Variants in RB1 observed in about 807,000 individuals in gnomAD.
RB1 encodes retinoblastoma-associated protein.
A neutral mutation model predicts 135.4 loss-of-function variants in RB1; 18 were observed. The ratio of observed to expected loss-of-function variants is 0.13; its 90% confidence interval spans 0.09 to 0.20. RB1 has a LOEUF of 0.20. RB1 is among the 10% of genes least tolerant of loss of function. RB1 has a pLI of 1.00. For synonymous variants in RB1, 365 were observed against 373.2 expected, an observed-to-expected ratio of 0.98 and a Z score of 0.25; for missense variants, 868 against 1,110.0, an observed-to-expected ratio of 0.78 and a Z score of 3.10.
At chr13:48,327,600 T>C (rs1952298987) in intron 2 of RB1, among the ~76,000 whole-genome samples, 1 of 152,212 alleles carries the variant, frequency 6.6e-6, no homozygotes, top group Non-Finnish European at 1.5e-5. Flanking sequence ...TTTAATTTTA[T>C]CTAAATGTAC....
At chr13:48,329,569 A>G (rs1367441977) in intron 2 of RB1, among the ~76,000 whole-genome samples, 1 of 152,178 alleles carries the variant, frequency 6.6e-6, no homozygotes, top group Non-Finnish European at 1.5e-5. Flanking sequence ...TTATCATTAT[A>G]TGACTTGGAA....
chr13:48,326,784 G>A (rs567110033), intron 2 of RB1, among the ~76,000 whole-genome samples: 13 of 151,976 alleles, frequency 8.6e-5, no homozygotes, highest in African/African-American at 3.1e-4. Context: ...ATTGTAGTAG[G>A]AGTTTTCAAG....
intron 2 of RB1, among the ~76,000 whole-genome samples, chr13:48,342,254 T>G (rs1173524088): frequency 1.3e-5 from 2 of 152,000 alleles, no homozygotes; most frequent in African/African-American, 4.8e-5. Flanking sequence ...TTATATGTTA[T>G]GGACTCTAGA....
intron 2 of RB1, among the ~76,000 whole-genome samples, chr13:48,329,402 C>A (rs912964989): frequency 6.6e-6 from 1 of 152,174 alleles, no homozygotes; most frequent in Admixed American, 6.5e-5. Flanking sequence ...TCAAGATATA[C>A]AAAGCTGCCA....
chr13:48,397,109 C>G (rs1242978658), intron 17 of RB1, among the ~76,000 whole-genome samples: 1 of 152,010 alleles, frequency 6.6e-6, no homozygotes, highest in Non-Finnish European at 1.5e-5. Context: ...GATCTAGAGC[C>G]AGAAATAATA....
intron 17 of RB1, among the ~76,000 whole-genome samples, chr13:48,449,109 G>GTT (rs201314175): frequency 1.3e-5 from 2 of 150,530 alleles, no homozygotes; most frequent in African/African-American, 4.9e-5. Flanking sequence ...CGTAATCGCC[G>GTT]TTTTTTTTTC....
Position 48,303,829 on chromosome 13 carries a change from G to A in RB1, c.-84G>A. ...ATTTTTGTAACGGGAGTCGGGAGAG[G>A]ACGGGGCGTGCCCCGACGTGCGCGC... On this transcript the variant is annotated 5_prime_UTR_variant, in exon 1 of 27. Coordinates refer to ENST00000267163, the MANE Select transcript of RB1 (RefSeq NM_000321.3). 13 of 1,485,328 alleles carry A rather than the reference G, an allele frequency of 8.8e-6. No homozygotes were observed. The highest frequency in any genetic ancestry group is 1.2e-5 in the Non-Finnish European group (13 of 1,123,920). 92.0% of individuals were successfully genotyped at this position (1,485,328 alleles called of 1,614,324 possible).
chr13:48,446,146 TG>T (rs1229669247), intron 17 of RB1, among the ~76,000 whole-genome samples: 4 of 152,014 alleles, frequency 2.6e-5, no homozygotes, highest in Non-Finnish European at 4.4e-5. Context: ...TTAGTGGAGA[TG>T]GGGTTTCACC....
chr13:48,480,213 G>A lies in RB1; in HGVS notation c.*142G>A, dbSNP rs1026267962. On this transcript the variant is annotated 3_prime_UTR_variant, in exon 27 of 27. Transcript: ENST00000267163. ...TTTTGTGGATATAAAATGTGCAGAT[G>A]CAATTGTTTGGGTGATTCCTAAGCC... 5.2e-5 allele frequency: 37 copies of A among 717,984 alleles called. No homozygotes were observed. Among genetic ancestry groups the A allele is most frequent in the African/African-American group, 3.9e-4 (22 of 56,630 alleles). 44.5% of individuals were successfully genotyped at this position (717,984 alleles called of 1,614,324 possible). A position where few individuals can be genotyped will look rare whatever the true frequency, so the allele number is the denominator to read the frequency against.
At chr13:48,326,523 G>A (rs1438009731) in intron 2 of RB1, among the ~76,000 whole-genome samples, 1 of 152,028 alleles carries the variant, frequency 6.6e-6, no homozygotes, top group African/African-American at 2.4e-5. Context: ...CAGGAAAATG[G>A]ACAAAAATGG....
At chr13:48,359,721 A>G (rs927035559) in intron 6 of RB1, among the ~76,000 whole-genome samples, 2 of 151,126 alleles carry the variant, frequency 1.3e-5, no homozygotes, top group East Asian at 1.9e-4. Flanking sequence ...AGCAAAATTT[A>G]TAGTGATTTT....
chr13:48,316,718 ATCACACACACACACACAC>A, intron 2 of RB1: 1 of 112,114 alleles, frequency 8.9e-6, no homozygotes. Flanking sequence ...CCACAGAACC[ATCACACACACACACACAC>A]ACACACACAC....
At chr13:48,457,704 C>T (rs1280853151) in intron 19 of RB1, among the ~76,000 whole-genome samples, 2 of 152,226 alleles carry the variant, frequency 1.3e-5, no homozygotes, top group East Asian at 1.9e-4. Flanking sequence ...TGCTCGTCAG[C>T]GCCCAAAGTC....
chr13:48,318,254 G>A, intron 2 of RB1: 1 of 791,764 alleles, frequency 1.3e-6, no homozygotes, highest in Non-Finnish European at 2.0e-6. Flanking sequence ...GCACCGGCGG[G>A]CTTCTGTCTT....
chr13:48,370,647 A>G (rs1421196571), intron 11 of RB1, among the ~76,000 whole-genome samples: 1 of 152,202 alleles, frequency 6.6e-6, no homozygotes, highest in African/African-American at 2.4e-5. Flanking sequence ...GGAAGCTTCT[A>G]TGCCCTCCCT....
At chr13:48,374,894 C>T (rs954850635) in intron 12 of RB1, among the ~76,000 whole-genome samples, 13 of 152,078 alleles carry the variant, frequency 8.5e-5, no homozygotes, top group African/African-American at 2.4e-5. Context: ...TCTCCAGTGT[C>T]TATTGCTGCC....
At chr13:48,465,389 G>A (rs1949434132) in intron 23 of RB1, 21 bp downstream of exon 23, 2 of 1,566,108 alleles carry the variant, frequency 1.3e-6, no homozygotes, top group African/African-American at 1.4e-5. Context: ...TCTCTTTAGG[G>A]AAGTAGTAAA....
chr13:48,427,064 A>G (rs1949089860), intron 17 of RB1, among the ~76,000 whole-genome samples: 1 of 152,230 alleles, frequency 6.6e-6, no homozygotes, highest in South Asian at 2.1e-4. Context: ...CTCGGTTATC[A>G]CCAAGGGGGT....
intron 5 of RB1, 97 bp downstream of exon 5, chr13:48,347,960 A>G (rs1952513165): frequency 4.5e-6 from 4 of 894,600 alleles, no homozygotes; most frequent in Admixed American, 2.1e-5. Flanking sequence ...TTGATCGATT[A>G]TAGCAGGCTA....
Sources: gnomAD v4.1 joint callset for allele counts (sites outside exome capture counted in the v4.1 genomes callset) on GRCh38, gnomAD v4.1.1 for gene constraint, MANE v1.5 for transcripts, NCBI Gene and HGNC (gene_info 2026-07-23, HGNC 2026-07-21) for gene names.